Variants in HAPLN3 observed in about 807,000 individuals in gnomAD.
HAPLN3 encodes the protein hyaluronan and proteoglycan link protein 3, also known as extracellular link domain containing, 1.
A neutral mutation model predicts 28.1 loss-of-function variants in HAPLN3; 28 were observed. The observed-to-expected ratio is 1.00, with a 90% CI of 0.74 to 1.37. The LOEUF is 1.37. HAPLN3 is among the 40% of genes most tolerant of loss of function. HAPLN3 has a pLI of 0.00. For synonymous variants in HAPLN3, 211 were observed against 213.1 expected (o/e 0.99, Z 0.09); for missense variants, 513 against 504.6 (o/e 1.02, Z -0.16).
Position 88,880,744 on chromosome 15 carries a change from T to TTTTTG in HAPLN3, c.493+608_493+612dup, listed in dbSNP as rs954138622. 2.9e-6 allele frequency: 1 copy of TTTTTG among 341,192 alleles called. No homozygotes were observed. Among genetic ancestry groups the TTTTTG allele is most frequent in the Non-Finnish European group, 5.2e-6 (1 of 191,884 alleles). The allele number at this position is 341,192 out of a possible 1,614,324, so 21.1% of individuals were successfully genotyped here. On this transcript the variant is annotated intron_variant, in intron 3 of 4. Coordinates refer to ENST00000359595, the MANE Select transcript of HAPLN3 (RefSeq NM_178232.4). The surrounding 1 kb of genome is among the most constrained non-coding windows in gnomAD (Gnocchi z 6.0). Reference sequence around the variant, plus strand: ...GGTTTTGGGGGGGCTTTTTGTTTGTTTTTTGTTTTGTTTTGTTTTTAAAAA... The same window carrying TTTTTG: ...GGTTTTGGGGGGGCTTTTTGTTTGTTTTTTGTTTTGTTTTGTTTTGTTTTTAAAAA...
chr15:88,881,070 G>C lies in HAPLN3; in HGVS notation c.493+287C>G, dbSNP rs1897683114. 8.8e-6 allele frequency: 4 copies of C among 455,796 alleles called. No homozygotes were observed. The highest frequency in any genetic ancestry group is 4.0e-5 in the African/African-American group (2 of 50,344). The allele number at this position is 455,796 out of a possible 1,614,324, so 28.2% of individuals were successfully genotyped here. On this transcript the variant is annotated intron_variant, in intron 3 of 4. Coordinates refer to ENST00000359595, the MANE Select transcript of HAPLN3 (RefSeq NM_178232.4). This position sits in a 1 kb window ranked among gnomAD's most constrained non-coding sequence, Gnocchi z 6.0. Reference sequence around the variant, plus strand: ...TGGTTTTCCTCTCTCTGAATGAGATGTGAATTACAGCGGGTAGAGGGGAAC... The same window carrying C: ...TGGTTTTCCTCTCTCTGAATGAGATCTGAATTACAGCGGGTAGAGGGGAAC...
intron 1 of HAPLN3, chr15:88,892,919 C>T: frequency 6.6e-7 from 1 of 1,525,246 alleles, no homozygotes; most frequent in Non-Finnish European, 8.8e-7. Flanking sequence ...CTCCTCAGGA[C>T]CACCACAGAG....
In HAPLN3 at chr15:88,880,506, C is replaced by T; in HGVS notation, c.493+851G>A. 7.9e-7 allele frequency: 1 copy of T among 1,271,220 alleles called. No homozygotes were observed. The highest frequency in any genetic ancestry group is 1.0e-6 in the Non-Finnish European group (1 of 973,822). The allele number at this position is 1,271,220 out of a possible 1,614,324, so 78.7% of individuals were successfully genotyped here. A position where few individuals can be genotyped will look rare whatever the true frequency, so the allele number is the denominator to read the frequency against. On this transcript the variant is annotated intron_variant, in intron 3 of 4. Transcript: ENST00000359595. The surrounding 1 kb of genome is among the most constrained non-coding windows in gnomAD (Gnocchi z 6.0). ...CTAAGGGGGATGAGGCATTTACCCA[C>T]ATGTCATAGCTGGGACGGGCTGGGG...
At position 88,880,135 on chromosome 15, in the gene HAPLN3, T is replaced by A; in HGVS notation, c.494-866A>T. ...AAGCCCATGGGCCCTGACAGTCAGC[T>A]TGCAGCCTCTACGTGTGTTTGCAGG... is the stretch of plus-strand genomic sequence containing the variant. On this transcript the variant is annotated intron_variant, in intron 3 of 4. Coordinates refer to ENST00000359595, the MANE Select transcript of HAPLN3 (RefSeq NM_178232.4). The surrounding 1 kb of genome is among the most constrained non-coding windows in gnomAD (Gnocchi z 6.0). 2.0e-6 allele frequency: 2 copies of A among 992,676 alleles called. No homozygotes were observed. Among genetic ancestry groups the A allele is most frequent in the Admixed American group, 5.8e-5 (1 of 17,290 alleles). 61.5% of individuals were successfully genotyped at this position (992,676 alleles called of 1,614,324 possible).
In HAPLN3 at chr15:88,887,193, C is replaced by G; in HGVS notation, c.106G>C (p.Gly36Arg). The G allele has an allele frequency of 6.2e-7, 1 of 1,614,124 alleles. No homozygotes were observed. The highest frequency in any genetic ancestry group is 8.5e-7 in the Non-Finnish European group (1 of 1,180,010). The change falls in exon 2 of 5, where the codon GGC (glycine) becomes CGC (arginine). Residue 36 changes from glycine (G) to arginine (R), a missense_variant. Transcript: ENST00000359595. ...YSNSANDQNLGNGHGKDLLNG... is the reference protein window; with the variant it reads ...YSNSANDQNLRNGHGKDLLNG... ...CGCCTACCTTTGCCATGACCGTTGCCTAGGTTCTGGTCGTTGGCGCTGTTG... is the reference window on the plus strand; with the variant it reads ...CGCCTACCTTTGCCATGACCGTTGCGTAGGTTCTGGTCGTTGGCGCTGTTG...
intron 2 of HAPLN3, among the ~76,000 whole-genome samples, chr15:88,886,830 CA>C (rs1157707664): frequency 6.6e-6 from 1 of 152,088 alleles, no homozygotes; most frequent in East Asian, 1.9e-4. Context: ...ATCTCAAAAA[CA>C]AACAAAAAAA....
At chr15:88,891,159 C>A (rs1454071946) in intron 1 of HAPLN3, among the ~76,000 whole-genome samples, 1 of 152,092 alleles carries the variant, frequency 6.6e-6, no homozygotes, top group African/African-American at 2.4e-5. Context: ...GGATTACAGG[C>A]GTGAGCCACT....
chr15:88,893,890 T>G (rs1317651030), intron 1 of HAPLN3, among the ~76,000 whole-genome samples: 2 of 143,998 alleles, frequency 1.4e-5, no homozygotes, highest in African/African-American at 5.2e-5. Flanking sequence ...ATTGAGCCAT[T>G]GCACTCCAGT....
rs907197510 is a variant in HAPLN3 at position 88,879,348 on chromosome 15, A to G, written c.494-79T>C. 6.3e-7 allele frequency: 1 copy of G among 1,590,656 alleles called. No homozygotes were observed. The highest frequency in any genetic ancestry group is 8.5e-7 in the Non-Finnish European group (1 of 1,175,754). ...GACACCCCGCTCTCCTCCCACCTTCACTGGGACATGTGCTGCCTGCAACAC... is the reference window on the plus strand; with the variant it reads ...GACACCCCGCTCTCCTCCCACCTTCGCTGGGACATGTGCTGCCTGCAACAC... On this transcript the variant is annotated intron_variant, in intron 3 of 4. Coordinates refer to ENST00000359595, the MANE Select transcript of HAPLN3 (RefSeq NM_178232.4). This position sits in a 1 kb window ranked among gnomAD's most constrained non-coding sequence, Gnocchi z 5.0.
At chr15:88,887,065 G>A (rs535538071) in intron 2 of HAPLN3, 110 bp downstream of exon 2, 2 of 1,232,874 alleles carry the variant, frequency 1.6e-6, no homozygotes, top group East Asian at 2.3e-5. Context: ...GGCCCTGCTG[G>A]AACAGGGCTG....
rs756726420 is a variant in HAPLN3, at chr15:88,878,101, C to G, written c.952G>C (p.Asp318His). The change falls in exon 5 of 5, where the codon GAT (aspartate) becomes CAT (histidine). Residue 318 changes from aspartate (D) to histidine (H), a missense_variant. By Grantham distance (81) the Asp-to-His change is moderately conservative. Coordinates refer to ENST00000359595, the MANE Select transcript of HAPLN3 (RefSeq NM_178232.4). ...ACCACAGGGTAGCGGACGCTACCAT[C>G]TGCCAGCCAGCCAGCGTCGCAGCGG... ...LDRCDAGWLA[D>H]GSVRYPVVHP... The G allele has an allele frequency of 9.9e-6, 16 of 1,614,014 alleles. No individual in the cohort carries two copies. Among genetic ancestry groups the G allele is most frequent in the Admixed American group, 1.7e-5 (1 of 60,002 alleles).
chr15:88,878,876 C>T, intron 4 of HAPLN3, 91 bp downstream of exon 4: 1 of 1,343,730 alleles, frequency 7.4e-7, no homozygotes, highest in Non-Finnish European at 1.0e-6. Context: ...GCAGAGCCAG[C>T]AGAGGGGGCC....
chr15:88,892,697 AAGACT>A (rs1459180555), intron 1 of HAPLN3, among the ~76,000 whole-genome samples: 3 of 152,146 alleles, frequency 2.0e-5, no homozygotes, highest in Non-Finnish European at 4.4e-5. Context: ...CTCTCCAGAG[AAGACT>A]AAAGGGGAAC....
intron 2 of HAPLN3, among the ~76,000 whole-genome samples, chr15:88,884,228 A>C (rs931973234): frequency 2.6e-5 from 4 of 152,168 alleles, no homozygotes; most frequent in African/African-American, 9.7e-5. Context: ...TGAAACTATG[A>C]GTAGGAAGTT....
rs769264256 is a variant in HAPLN3, at chr15:88,879,294, TA to T, written c.494-26del. Reference sequence around the variant, plus strand: ...CCTGCAGGGGAAGGAAAGAGGAGCTTAGGGGGTGGCCAGGGGCCCAGCTGGC... The same window carrying T: ...CCTGCAGGGGAAGGAAAGAGGAGCTTGGGGGTGGCCAGGGGCCCAGCTGGC... On this transcript the variant is annotated intron_variant, in intron 3 of 4. Transcript: ENST00000359595. This position sits in a 1 kb window ranked among gnomAD's most constrained non-coding sequence, Gnocchi z 5.0. The T allele has an allele frequency of 3.7e-5, 60 of 1,604,688 alleles. No individual in the cohort carries two copies. Among genetic ancestry groups the T allele is most frequent in the Non-Finnish European group, 4.8e-5 (56 of 1,177,528 alleles).
Position 88,879,680 on chromosome 15 carries a change from T to C in HAPLN3, c.494-411A>G. On this transcript the variant is annotated intron_variant, in intron 3 of 4. Transcript: ENST00000359595. This position sits in a 1 kb window ranked among gnomAD's most constrained non-coding sequence, Gnocchi z 5.0. Reference sequence around the variant, plus strand: ...CCGATCGTCTACGTTATTATGAATGTGGAAATTTCCTAGGAAAATGCAAGG... The same window carrying C: ...CCGATCGTCTACGTTATTATGAATGCGGAAATTTCCTAGGAAAATGCAAGG... 8.5e-7 allele frequency: 1 copy of C among 1,181,906 alleles called. No homozygotes were observed. Among genetic ancestry groups the C allele is most frequent in the Non-Finnish European group, 1.1e-6 (1 of 939,334 alleles). 73.2% of individuals were successfully genotyped at this position (1,181,906 alleles called of 1,614,324 possible). A position where few individuals can be genotyped will look rare whatever the true frequency, so the allele number is the denominator to read the frequency against.
At position 88,879,550 on chromosome 15, in the gene HAPLN3, G is replaced by A; in HGVS notation, c.494-281C>T. On this transcript the variant is annotated intron_variant, in intron 3 of 4. Transcript: ENST00000359595. This position sits in a 1 kb window ranked among gnomAD's most constrained non-coding sequence, Gnocchi z 5.0. ...TGTCCCCAACCTAATCCGCAAGGCTGTCGCCAGACCCCCAGTGAGGCTGTG... is the reference window on the plus strand; with the variant it reads ...TGTCCCCAACCTAATCCGCAAGGCTATCGCCAGACCCCCAGTGAGGCTGTG... 1 of 1,426,948 alleles carries A rather than the reference G, an allele frequency of 7.0e-7. No individual in the cohort carries two copies. The highest frequency in any genetic ancestry group is 9.3e-7 in the Non-Finnish European group (1 of 1,076,888). 88.4% of individuals were successfully genotyped at this position (1,426,948 alleles called of 1,614,324 possible). A position where few individuals can be genotyped will look rare whatever the true frequency, so the allele number is the denominator to read the frequency against.
chr15:88,888,238 C>T lies in HAPLN3; in HGVS notation c.-47-893G>A, dbSNP rs1465270753. 2.0e-5 allele frequency among the ~76,000 whole-genome samples: 3 copies of T among 151,554 alleles called. No homozygotes were observed. The highest frequency in any genetic ancestry group is 2.9e-5 in the Non-Finnish European group (2 of 67,914). On this transcript the variant is annotated intron_variant, in intron 1 of 4. Coordinates refer to ENST00000359595, the MANE Select transcript of HAPLN3 (RefSeq NM_178232.4). The surrounding 1 kb of genome is among the most constrained non-coding windows in gnomAD (Gnocchi z 4.1). ...TCCCGAGTAGCTGGGACTACAGGTG[C>T]GTGCCACCAAGCTCAGCTAATTTTT...
rs1253802102 is a variant in HAPLN3, at chr15:88,877,927, T to C, written c.*43A>G. The C allele has an allele frequency of 6.5e-7, 1 of 1,534,610 alleles. No individual in the cohort carries two copies. Among genetic ancestry groups the C allele is most frequent in the Non-Finnish European group, 8.8e-7 (1 of 1,139,744 alleles). On this transcript the variant is annotated 3_prime_UTR_variant, in exon 5 of 5. Coordinates refer to ENST00000359595, the MANE Select transcript of HAPLN3 (RefSeq NM_178232.4). The surrounding 1 kb of genome is among the most constrained non-coding windows in gnomAD (Gnocchi z 5.1). ...AAGGGAAAACGAACCACTCAATAAA[T>C]ACACAGCCAGTGAGGGAATGCGGCA...
Sources: allele counts gnomAD v4.1 joint callset (sites outside exome capture counted in the v4.1 genomes callset), GRCh38; gene constraint gnomAD v4.1.1; non-coding constraint Gnocchi (gnomAD v3.1); transcripts MANE v1.5; gene names NCBI Gene and HGNC (gene_info 2026-07-23, HGNC 2026-07-21).